Variants in PDGFRL observed in about 807,000 individuals in gnomAD.
The protein encoded by PDGFRL is platelet derived growth factor receptor like, also known as platelet-derived growth factor receptor-like protein.
A neutral mutation model predicts 37.2 loss-of-function variants in PDGFRL; 46 were observed. That is an observed-to-expected ratio of 1.24 (90% confidence interval 0.98 to 1.58). The LOEUF (loss-of-function observed/expected upper bound fraction) is 1.58. PDGFRL is among the 40% of genes most tolerant of loss of function. The probability of loss-of-function intolerance (pLI) is 0.00; values close to 1 mark genes in which losing one functional copy is unlikely to be tolerated. For missense variants in PDGFRL, 692 were observed against 467.6 expected (o/e 1.48, Z -4.43); for synonymous variants, 251 against 184.3 (o/e 1.36, Z -2.93).
chr8:17,611,976 G>A (rs1376136970), intron 2 of PDGFRL, among the ~76,000 whole-genome samples: 4 of 152,172 alleles, frequency 2.6e-5, no homozygotes, highest in African/African-American at 4.8e-5. Flanking sequence ...GCTAAGATCT[G>A]GGAGCCTGGG....
At chr8:17,584,082 C>T (rs866064020) in intron 1 of PDGFRL, among the ~76,000 whole-genome samples, 18 of 152,084 alleles carry the variant, frequency 1.2e-4, no homozygotes, top group Admixed American at 7.2e-4. Flanking sequence ...AGGCTGGTAT[C>T]AGTGGATGGA....
intron 2 of PDGFRL, among the ~76,000 whole-genome samples, chr8:17,590,637 G>A (rs1041709030): frequency 1.3e-5 from 2 of 151,262 alleles, no homozygotes; most frequent in African/African-American, 2.4e-5. Context: ...GCTTGAACCC[G>A]GGATGCAGAG....
intron 1 of PDGFRL, among the ~76,000 whole-genome samples, chr8:17,585,177 G>A (rs751804290): frequency 3.3e-5 from 5 of 152,096 alleles, no homozygotes; most frequent in African/African-American, 4.8e-5. Flanking sequence ...GGTCACGTTC[G>A]TGGCCATCTT....
chr8:17,616,150 A>G (rs989423192), intron 2 of PDGFRL, among the ~76,000 whole-genome samples: 3 of 150,986 alleles, frequency 2.0e-5, no homozygotes, highest in African/African-American at 4.9e-5. Flanking sequence ...AAAGTCCATG[A>G]TTTTATTTTA....
intron 1 of PDGFRL, 66 bp downstream of exon 1, chr8:17,577,373 C>A: frequency 7.5e-7 from 1 of 1,340,626 alleles, no homozygotes. Flanking sequence ...CCGAAGCCCC[C>A]GCCGCCCTCC....
At chr8:17,577,820 T>C (rs1181281835) in intron 1 of PDGFRL, among the ~76,000 whole-genome samples, 3 of 151,818 alleles carry the variant, frequency 2.0e-5, no homozygotes, top group South Asian at 4.2e-4. Flanking sequence ...GCTTGAATCC[T>C]GCAAGATCTG....
chr8:17,623,184 C>A (rs1804665570), intron 3 of PDGFRL, among the ~76,000 whole-genome samples: 1 of 152,178 alleles, frequency 6.6e-6, no homozygotes, highest in South Asian at 2.1e-4. Flanking sequence ...GGAGCCAAAC[C>A]TGTTTTTCTG....
At chr8:17,605,347 T>G (rs1804251826) in intron 2 of PDGFRL, among the ~76,000 whole-genome samples, 1 of 152,214 alleles carries the variant, frequency 6.6e-6, no homozygotes. Flanking sequence ...TTGGACCTCA[T>G]GCTTTTTTGC....
intron 2 of PDGFRL, among the ~76,000 whole-genome samples, chr8:17,606,335 GTTTTA>G (rs1222562616): frequency 2.0e-5 from 3 of 152,140 alleles, no homozygotes; most frequent in South Asian, 2.1e-4. Context: ...TCCAAAGCTC[GTTTTA>G]TTTTATTTTC....
rs571953500 is a variant in PDGFRL at position 17,589,846 on chromosome 8, T to C, written c.353+81T>C. On this transcript the variant is annotated intron_variant, in intron 2 of 5. Coordinates refer to ENST00000251630, the MANE Select transcript of PDGFRL (RefSeq NM_001372073.1). ...ATTCCTTCTTAACTATTATTACACA[T>C]TGTTTCTGACATGTTCCATTTTACC... The C allele has an allele frequency of 6.0e-5, 50 of 827,762 alleles. No individual in the cohort carries two copies. The East Asian group carries it at 1.2e-3, about 19-fold the overall frequency. The allele number at this position is 827,762 out of a possible 1,614,324, so 51.3% of individuals were successfully genotyped here.
intron 2 of PDGFRL, among the ~76,000 whole-genome samples, chr8:17,607,144 C>T (rs1016411402): frequency 6.6e-6 from 1 of 152,012 alleles, no homozygotes; most frequent in Non-Finnish European, 1.5e-5. Flanking sequence ...GATCCACCTG[C>T]CTTGGCCTGC....
At chr8:17,632,072 C>T (rs1370657417) in intron 4 of PDGFRL, among the ~76,000 whole-genome samples, 1 of 152,230 alleles carries the variant, frequency 6.6e-6, no homozygotes, top group Non-Finnish European at 1.5e-5. Flanking sequence ...CCTCCCTGGA[C>T]CTGGTTCTTC....
Position 17,596,301 on chromosome 8 carries a change from C to T in PDGFRL, c.353+6536C>T, listed in dbSNP as rs572062993. ...ATGGCCCACTGGCCAGATCGGCTGC[C>T]AGGCTGCTCACAGGCACATGGGCTG... On this transcript the variant is annotated intron_variant, in intron 2 of 5. Coordinates refer to ENST00000251630, the MANE Select transcript of PDGFRL (RefSeq NM_001372073.1). 2.3e-4 allele frequency: 278 copies of T among 1,191,796 alleles called. 2 individuals carry two copies. In the African/African-American group the frequency reaches 4.1e-3, roughly 17 times the overall value. 73.8% of individuals were successfully genotyped at this position (1,191,796 alleles called of 1,614,324 possible). A position where few individuals can be genotyped will look rare whatever the true frequency, so the allele number is the denominator to read the frequency against.
intron 5 of PDGFRL, among the ~76,000 whole-genome samples, chr8:17,638,781 A>ATG (rs1805031500): frequency 5.0e-5 from 5 of 100,768 alleles, no homozygotes; most frequent in Non-Finnish European, 6.0e-5. Context: ...ATATATATAT[A>ATG]TATATAATTG....
intron 4 of PDGFRL, among the ~76,000 whole-genome samples, chr8:17,631,785 C>T (rs967254961): frequency 6.6e-6 from 1 of 152,190 alleles, no homozygotes; most frequent in South Asian, 2.1e-4. Flanking sequence ...TTTTTCCCAG[C>T]TTCCCCCACC....
intron 2 of PDGFRL, among the ~76,000 whole-genome samples, chr8:17,612,198 G>T (rs975887996): frequency 6.6e-6 from 1 of 152,192 alleles, no homozygotes; most frequent in African/African-American, 2.4e-5. Context: ...TTTTAAAAAG[G>T]CAACACTTTG....
At chr8:17,592,718 C>A (rs1803966004) in intron 2 of PDGFRL, among the ~76,000 whole-genome samples, 1 of 152,186 alleles carries the variant, frequency 6.6e-6, no homozygotes, top group African/African-American at 2.4e-5. Flanking sequence ...CCATGGCAGG[C>A]CCCCCCAGCT....
chr8:17,592,916 G>GCACACACACACACA (rs140137425), intron 2 of PDGFRL, among the ~76,000 whole-genome samples: 2 of 29,524 alleles, frequency 6.8e-5, no homozygotes, highest in African/African-American at 7.9e-5. Context: ...CCACATACAT[G>GCACACACACACACA]CACACACACA....
chr8:17,610,828 T>G (rs1804395525), intron 2 of PDGFRL, among the ~76,000 whole-genome samples: 1 of 152,090 alleles, frequency 6.6e-6, no homozygotes, highest in Non-Finnish European at 1.5e-5. Context: ...GGAGATTCCC[T>G]TGAACCCAGG....
Sources: gnomAD v4.1 joint callset for allele counts (sites outside exome capture counted in the v4.1 genomes callset) on GRCh38, gnomAD v4.1.1 for gene constraint, MANE v1.5 for transcripts, NCBI Gene and HGNC (gene_info 2026-07-23, HGNC 2026-07-21) for gene names.